The following NRG2 variants were observed in gnomAD, a reference collection of about 807,000 sequenced individuals.
NRG2 encodes the protein neuregulin 2, also known as pro-neuregulin-2, membrane-bound isoform.
In NRG2, 27 loss-of-function variants were observed where a neutral mutation model predicts 73.9. That is an observed-to-expected ratio of 0.37 (90% CI 0.27 to 0.50). The LOEUF is 0.50. Ranked by LOEUF, NRG2 falls within the 20% of genes least tolerant of loss-of-function variation. The probability of loss-of-function intolerance (pLI) is 0.96; values close to 1 mark genes in which losing one functional copy is unlikely to be tolerated. For synonymous variants in NRG2, 532 were observed against 541.0 expected, an observed-to-expected ratio of 0.98 and a Z score of 0.23; for missense variants, 1,126 against 1,210.1, an observed-to-expected ratio of 0.93 and a Z score of 1.03.
intron 1 of NRG2, among the ~76,000 whole-genome samples, chr5:139,995,141 C>T (rs1561738416): frequency 2.0e-5 from 3 of 152,030 alleles, no homozygotes; most frequent in Admixed American, 1.3e-4. Context: ...AAGGAAGCAC[C>T]CAAACCTTCT....
intron 1 of NRG2, among the ~76,000 whole-genome samples, chr5:139,896,679 C>A (rs1764561917): frequency 6.6e-6 from 1 of 152,206 alleles, no homozygotes; most frequent in Non-Finnish European, 1.5e-5. Context: ...TCTGTGACAA[C>A]CCTGTGTCTC....
intron 1 of NRG2, among the ~76,000 whole-genome samples, chr5:139,959,665 C>T (rs985086211): frequency 5.9e-5 from 9 of 151,464 alleles, no homozygotes; most frequent in South Asian, 2.1e-4. Context: ...CATGGGCCAC[C>T]GCGCCTGGCT....
At chr5:139,936,003 A>G (rs1360442501) in intron 1 of NRG2, among the ~76,000 whole-genome samples, 2 of 151,780 alleles carry the variant, frequency 1.3e-5, no homozygotes, top group Non-Finnish European at 1.5e-5. Flanking sequence ...AAAACATGAC[A>G]AATCAAAATT....
intron 1 of NRG2, among the ~76,000 whole-genome samples, chr5:139,943,782 T>C (rs1753587004): frequency 6.6e-6 from 1 of 152,202 alleles, no homozygotes; most frequent in Non-Finnish European, 1.5e-5. Flanking sequence ...GTGATACACA[T>C]GTCACTTATT....
At chr5:139,989,758 TTTA>T (rs35774960) in intron 1 of NRG2, among the ~76,000 whole-genome samples, 2 of 147,562 alleles carry the variant, frequency 1.4e-5, no homozygotes, top group African/African-American at 5.0e-5. Context: ...TTGCTAGGTT[TTTA>T]TTATTATTAT....
intron 1 of NRG2, among the ~76,000 whole-genome samples, chr5:139,962,394 C>G (rs1216521574): frequency 6.6e-6 from 1 of 152,166 alleles, no homozygotes; most frequent in Admixed American, 6.5e-5. Context: ...CGGGACAGAA[C>G]AAGATTTGCT....
rs902551930 is a variant in NRG2, at chr5:139,954,199, C to A, written c.701-66688G>T. On this transcript the variant is annotated intron_variant, in intron 1 of 9. Transcript: ENST00000361474. This position sits in a 1 kb window ranked among gnomAD's most constrained non-coding sequence, Gnocchi z 5.0. ...ACTGCTTCTCATTAGCAAAAGTGAC[C>A]GTGGAGGAGAAATCCAGCCCAACCC... 4.6e-5 allele frequency among the ~76,000 whole-genome samples: 7 copies of A among 152,116 alleles called. No homozygotes were observed. The highest frequency in any genetic ancestry group is 1.5e-5 in the Non-Finnish European group (1 of 68,018).
At chr5:139,952,436 A>G (rs1291918400) in intron 1 of NRG2, among the ~76,000 whole-genome samples, 2 of 152,192 alleles carry the variant, frequency 1.3e-5, no homozygotes, top group Non-Finnish European at 2.9e-5. Context: ...TCAGCCTGAG[A>G]CAGGAGAGCT....
At position 139,865,455 on chromosome 5, in the gene NRG2, A is replaced by T. The variant is rs1762423231; in HGVS notation, c.1189+94T>A. On this transcript the variant is annotated intron_variant, in intron 5 of 9. Transcript: ENST00000361474. This position sits in a 1 kb window ranked among gnomAD's most constrained non-coding sequence, Gnocchi z 5.2. ...AAACAAAACAGCCAAAGATCAAAAC[A>T]ACCAACACCCCTGGCCCTATGCCCT... The T allele has an allele frequency of 1.1e-6, 1 of 924,970 alleles. No homozygotes were observed. The allele number at this position is 924,970 out of a possible 1,614,324, so 57.3% of individuals were successfully genotyped here. A position where few individuals can be genotyped will look rare whatever the true frequency, so the allele number is the denominator to read the frequency against.
intron 5 of NRG2, among the ~76,000 whole-genome samples, chr5:139,860,211 G>A (rs551102228): frequency 7.2e-5 from 11 of 152,232 alleles, no homozygotes; most frequent in African/African-American, 2.4e-4. Flanking sequence ...AGGCAGAGGC[G>A]CAAGAGTCAG....
intron 1 of NRG2, among the ~76,000 whole-genome samples, chr5:139,899,034 T>A (rs1764720468): frequency 6.6e-6 from 1 of 152,230 alleles, no homozygotes; most frequent in African/African-American, 2.4e-5. Context: ...TTCTGGGCCA[T>A]CTCTTGCCAG....
intron 1 of NRG2, among the ~76,000 whole-genome samples, chr5:139,889,809 T>C (rs530369252): frequency 5.3e-5 from 8 of 152,308 alleles, no homozygotes; most frequent in African/African-American, 1.7e-4. Context: ...AAGAATTAAC[T>C]TCATTCGTTT....
rs71581524 is a variant in NRG2 at position 140,007,334 on chromosome 5, G to A, written c.700+35036C>T. ...TTCTGCTTCAAACAGGCAGTTAACA[G>A]ACCCCAGGGGATAAAGCATTGAGGA... On this transcript the variant is annotated intron_variant, in intron 1 of 9. Transcript: ENST00000361474. 9.5e-4 allele frequency among the ~76,000 whole-genome samples: 144 copies of A among 152,154 alleles called. 2 individuals are homozygous for A. Among genetic ancestry groups the A allele is most frequent in the Admixed American group, 4.9e-3 (75 of 15,278 alleles).
chr5:139,861,676 G>A (rs189548437), intron 5 of NRG2: 60 of 499,860 alleles, frequency 1.2e-4, no homozygotes, highest in African/African-American at 7.7e-4. Flanking sequence ...AAAAGTTGCC[G>A]TAAGTACAGT....
At chr5:139,938,866 G>C (rs1490214467) in intron 1 of NRG2, among the ~76,000 whole-genome samples, 1 of 107,750 alleles carries the variant, frequency 9.3e-6, no homozygotes, top group Non-Finnish European at 1.8e-5. Flanking sequence ...GAGAGAGAGA[G>C]AGAGAGAGAG....
At position 139,853,713 on chromosome 5, in the gene NRG2, A is replaced by G. The variant is rs1434368740; in HGVS notation, c.1293-686T>C. On this transcript the variant is annotated intron_variant, in intron 6 of 9. Coordinates refer to ENST00000361474, the MANE Select transcript of NRG2 (RefSeq NM_004883.3). The surrounding 1 kb of genome is among the most constrained non-coding windows in gnomAD (Gnocchi z 4.1). The stretch of plus-strand genomic sequence containing the variant: ...TCTAATCATGTCCCTCCCCTGTTTA[A>G]GACCCTTCATTGTGAACTCACGGAG... 6.6e-6 allele frequency among the ~76,000 whole-genome samples: 1 copy of G among 152,176 alleles called. No homozygotes were observed. The highest frequency in any genetic ancestry group is 1.5e-5 in the Non-Finnish European group (1 of 68,028).
rs1488681296 is a variant in NRG2 at position 139,851,235 on chromosome 5, G to A, written c.1772+369C>T. 2.0e-5 allele frequency among the ~76,000 whole-genome samples: 3 copies of A among 152,146 alleles called. No homozygotes were observed. Among genetic ancestry groups the A allele is most frequent in the Admixed American group, 1.3e-4 (2 of 15,278 alleles). On this transcript the variant is annotated intron_variant, in intron 9 of 9. Transcript: ENST00000361474. This position sits in a 1 kb window ranked among gnomAD's most constrained non-coding sequence, Gnocchi z 4.2. Reference sequence around the variant, plus strand: ...ACTCCTGACCTCAGGTGATCCATCCGCCTTGGCCTCCCAAGTGCTGGGATT... The same window carrying A: ...ACTCCTGACCTCAGGTGATCCATCCACCTTGGCCTCCCAAGTGCTGGGATT...
intron 1 of NRG2, among the ~76,000 whole-genome samples, chr5:139,958,342 G>A (rs1274173478): frequency 2.0e-5 from 3 of 152,228 alleles, no homozygotes; most frequent in Non-Finnish European, 2.9e-5. Flanking sequence ...AAAAAATGGC[G>A]AGCTTTTTCA....
chr5:139,940,588 AAT>A (rs1753316640), intron 1 of NRG2, among the ~76,000 whole-genome samples: 1 of 152,234 alleles, frequency 6.6e-6, no homozygotes, highest in South Asian at 2.1e-4. Context: ...GTACATATGG[AAT>A]AGACTCCAAA....
Sources: gnomAD v4.1 joint callset for allele counts (sites outside exome capture counted in the v4.1 genomes callset) on GRCh38, gnomAD v4.1.1 for gene constraint, Gnocchi (gnomAD v3.1) non-coding constraint, MANE v1.5 for transcripts, NCBI Gene and HGNC (gene_info 2026-07-23, HGNC 2026-07-21) for gene names.